TRPM5: variants seen among roughly 807,000 people sequenced by gnomAD.
TRPM5 encodes transient receptor potential cation channel subfamily M member 5.
A neutral mutation model predicts 124.9 loss-of-function variants in TRPM5; 121 were observed. The observed-to-expected ratio is 0.97, with a 90% CI of 0.84 to 1.13. The LOEUF (loss-of-function observed/expected upper bound fraction) is 1.13, where lower values mean the gene tolerates loss of function less well. Among genes scored for constraint, TRPM5 ranks in the 50% most tolerant of loss-of-function variants. The pLI is 0.00. For missense variants in TRPM5, 1,643 were observed against 1,589.1 expected, an observed-to-expected ratio of 1.03 and a Z score of -0.58; for synonymous variants, 781 against 700.5, an observed-to-expected ratio of 1.11 and a Z score of -1.81.
At chr11:2,440,389 C>T in the TRPM5 span, among the ~76,000 whole-genome samples, 1 of 152,324 alleles carries the variant, frequency 6.6e-6, no homozygotes, top group Admixed American at 6.5e-5. The surrounding 1 kb of genome is among the most constrained non-coding windows in gnomAD (Gnocchi z 5.2). Flanking sequence ...CCATAGGAGA[C>T]ATTCGCCAGG....
chr11:2,411,189 G>A (rs1307426733), intron 18 of TRPM5, among the ~76,000 whole-genome samples, 163 bp downstream of exon 23: 1 of 152,192 alleles, frequency 6.6e-6, no homozygotes, highest in Admixed American at 6.5e-5. Flanking sequence ...CCTTTGGGGT[G>A]TGGGGGGCCT....
chr11:2,428,662 G>A, the TRPM5 span, among the ~76,000 whole-genome samples: 1 of 151,876 alleles, frequency 6.6e-6, no homozygotes, highest in East Asian at 1.9e-4. This position sits in a 1 kb window ranked among gnomAD's most constrained non-coding sequence, Gnocchi z 4.0. Context: ...GGTGATGGTG[G>A]TGGGAATGAT....
chr11:2,412,669 C>T, intron 15 of TRPM5, 85 bp downstream of exon 20: 1 of 1,396,598 alleles, frequency 7.2e-7, no homozygotes, highest in South Asian at 1.5e-5. Flanking sequence ...TTGGGGAGCC[C>T]CACCCTGCGA....
rs1035426182 is a variant in TRPM5 at position 2,413,418 on chromosome 11, A to G, written c.2003+58T>C. On this transcript the variant is annotated intron_variant, in intron 13 of 23. Coordinates refer to ENST00000155858, the Ensembl canonical transcript of TRPM5. ...CCTGCGAGGCCCAGGCCCTCCCCGT[A>G]GCTCCGGCACTCGCACTGCTGCCTG... 55 of 1,499,810 alleles carry G rather than the reference A, an allele frequency of 3.7e-5. 1 individual carries two copies. The highest frequency in any genetic ancestry group is 4.0e-5 in the Non-Finnish European group (44 of 1,105,202). The allele number at this position is 1,499,810 out of a possible 1,614,324, so 92.9% of individuals were successfully genotyped here. A position where few individuals can be genotyped will look rare whatever the true frequency, so the allele number is the denominator to read the frequency against.
At position 2,406,264 on chromosome 11, in the gene TRPM5, G is replaced by C; in HGVS notation, c.3252-173C>G. Reference sequence around the variant, plus strand: ...CACCAGGACCCCTCAAAGTGCACCTGGTGCAGTACAGAGCGCTCTATGCCT... The same window carrying C: ...CACCAGGACCCCTCAAAGTGCACCTCGTGCAGTACAGAGCGCTCTATGCCT... On this transcript the variant is annotated intron_variant, in intron 21 of 23. Transcript: ENST00000155858. 4.2e-6 allele frequency: 3 copies of C among 706,948 alleles called. No homozygotes were observed. The South Asian group carries it at 5.1e-5, about 12-fold the overall frequency. 43.8% of individuals were successfully genotyped at this position (706,948 alleles called of 1,614,324 possible).
chr11:2,442,407 ACACACAC>A, the TRPM5 span, among the ~76,000 whole-genome samples: 22 of 146,022 alleles, frequency 1.5e-4, no homozygotes, highest in African/African-American at 6.1e-4. The surrounding 1 kb of genome is among the most constrained non-coding windows in gnomAD (Gnocchi z 5.9). Flanking sequence ...ACACACACAC[ACACACAC>A]ACACACAGAG....
intron 18 of TRPM5, among the ~76,000 whole-genome samples, chr11:2,409,944 C>T (rs1026720448): frequency 7.9e-5 from 12 of 152,164 alleles, no homozygotes; most frequent in African/African-American, 2.2e-4. Flanking sequence ...TCTCCTCATA[C>T]GAGTCGCTGA....
exon 17 of TRPM5, chr11:2,411,735 G>C: frequency 1.2e-6 from 2 of 1,612,666 alleles, no homozygotes; most frequent in African/African-American, 1.3e-5. Flanking sequence ...GGCGAGGACT[G>C]TGCGGCCAGC....
Position 2,407,376 on chromosome 11 carries a change from T to C in TRPM5, c.2937-76A>G, listed in dbSNP as rs1589865603. ...GGGGACGCATCCCCCTGCACCCTGA[T>C]TGCTGTTGGGGAGCCCTTTTTGAAA... On this transcript the variant is annotated intron_variant, in intron 19 of 23. Coordinates refer to ENST00000155858, the Ensembl canonical transcript of TRPM5. 14 of 1,427,598 alleles carry C rather than the reference T, an allele frequency of 9.8e-6. No homozygotes were observed. The East Asian group carries it at 3.4e-4, about 35-fold the overall frequency. 88.4% of individuals were successfully genotyped at this position (1,427,598 alleles called of 1,614,324 possible). A position where few individuals can be genotyped will look rare whatever the true frequency, so the allele number is the denominator to read the frequency against.
At chr11:2,404,831 C>G in exon 24 of TRPM5, 1 of 875,052 alleles carries the variant, frequency 1.1e-6, no homozygotes, top group Non-Finnish European at 1.8e-6. Flanking sequence ...TGCTGGGGGG[C>G]TGGTGCCCCC....
chr11:2,431,608 T>C, the TRPM5 span, among the ~76,000 whole-genome samples: 13 of 152,100 alleles, frequency 8.5e-5, no homozygotes, highest in African/African-American at 3.1e-4. Flanking sequence ...CATGGCTCCC[T>C]ATTACCCTGA....
At chr11:2,407,790 G>A (rs1850353446) in exon 19 of TRPM5, 1 of 1,613,894 alleles carries the variant, frequency 6.2e-7, no homozygotes, top group African/African-American at 1.3e-5. Context: ...TTCATGAGCA[G>A]CACATTGGTG....
the TRPM5 span, among the ~76,000 whole-genome samples, chr11:2,440,735 C>T: frequency 5.9e-5 from 9 of 152,184 alleles, no homozygotes; most frequent in Non-Finnish European, 1.0e-4. This position sits in a 1 kb window ranked among gnomAD's most constrained non-coding sequence, Gnocchi z 5.2. Flanking sequence ...CGGTGCTCTG[C>T]GAGGATCTGG....
rs895214608 is a variant in TRPM5, at chr11:2,412,779, G to A, written c.2330C>T (p.Thr777Met). 24 of 1,605,676 alleles carry A rather than the reference G, an allele frequency of 1.5e-5. No homozygotes were observed. The highest frequency in any genetic ancestry group is 5.6e-5 in the South Asian group (5 of 90,088). ...CTGCCGGATTTCCTCCAGCACCAGC[G>A]TAAAGACCCAGAAGTAGAGGGTGAC... is the stretch of plus-strand genomic sequence containing the variant. Residue 777 changes from threonine to methionine, a missense_variant, in exon 15 of 24, where the codon ACG (threonine) becomes ATG (methionine). Thr to Met is a moderately conservative substitution (Grantham distance 81). Coordinates refer to ENST00000155858, the Ensembl canonical transcript of TRPM5.
chr11:2,418,049 G>A lies in TRPM5; in HGVS notation c.906+118C>T, dbSNP rs1232345763. 7 of 1,057,436 alleles carry A rather than the reference G, an allele frequency of 6.6e-6. No homozygotes were observed. The South Asian group carries it at 9.4e-5, about 14-fold the overall frequency. 65.5% of individuals were successfully genotyped at this position (1,057,436 alleles called of 1,614,324 possible). Reference sequence around the variant, plus strand: ...GGCCTGAAGCGAGAGTGGGTGGGGGGCCCAGCAGCCTGAGGTGGGAGGAGT... The same window carrying A: ...GGCCTGAAGCGAGAGTGGGTGGGGGACCCAGCAGCCTGAGGTGGGAGGAGT... On this transcript the variant is annotated intron_variant, in intron 6 of 23. Coordinates refer to ENST00000155858, the Ensembl canonical transcript of TRPM5.
the TRPM5 span, among the ~76,000 whole-genome samples, chr11:2,428,731 T>G: frequency 7.0e-6 from 1 of 143,664 alleles, no homozygotes; most frequent in East Asian, 2.0e-4. The surrounding 1 kb of genome is among the most constrained non-coding windows in gnomAD (Gnocchi z 4.0). Context: ...GACTGTGGTG[T>G]TGTTGATGGT....
rs917145051 is a variant in TRPM5, at chr11:2,422,468, G to A, written c.118-147C>T. On this transcript the variant is annotated intron_variant, in intron 1 of 23. Transcript: ENST00000155858. ...ACTGGGAGGTGCTGGGCATCAAGGG[G>A]GCTGGACACAGGGGGTACCGGGGAG... 6 of 564,902 alleles carry A rather than the reference G, an allele frequency of 1.1e-5. No homozygotes were observed. The African/African-American group carries it at 1.2e-4, about 11-fold the overall frequency. The allele number at this position is 564,902 out of a possible 1,614,324, so 35.0% of individuals were successfully genotyped here.
the TRPM5 span, among the ~76,000 whole-genome samples, chr11:2,441,056 C>T: frequency 2.0e-5 from 3 of 152,214 alleles, no homozygotes; most frequent in East Asian, 1.9e-4. This position sits in a 1 kb window ranked among gnomAD's most constrained non-coding sequence, Gnocchi z 7.2. Flanking sequence ...AGATTGAGTG[C>T]CATGTTTCCA....
upstream of TRPM5, chr11:2,423,143 C>G (rs748831697): frequency 2.2e-6 from 2 of 892,628 alleles, no homozygotes; most frequent in Non-Finnish European, 1.7e-6. Context: ...TGGGAAGCCC[C>G]TCTCCAGCCA....
Sources: allele counts gnomAD v4.1 joint callset (sites outside exome capture counted in the v4.1 genomes callset), GRCh38; gene constraint gnomAD v4.1.1; non-coding constraint Gnocchi (gnomAD v3.1); transcripts MANE v1.5; gene names NCBI Gene and HGNC (gene_info 2026-07-23, HGNC 2026-07-21).